The following HSPH1 variants were observed in gnomAD, a reference collection of about 807,000 sequenced individuals.
The protein encoded by HSPH1 is heat shock protein 105 kDa.
A neutral mutation model predicts 100.0 loss-of-function variants in HSPH1; 40 were observed. The ratio of observed to expected loss-of-function variants is 0.40; its 90% CI spans 0.31 to 0.52. The LOEUF is 0.52. Among genes scored for constraint, HSPH1 ranks in the 20% least tolerant of loss-of-function variants. The pLI is 0.54. For synonymous variants in HSPH1, 403 were observed against 344.0 expected, an observed-to-expected ratio of 1.17 and a Z score of -1.90; for missense variants, 876 against 1,015.1, an observed-to-expected ratio of 0.86 and a Z score of 1.86.
At chr13:31,141,394 C>A in intron 12 of HSPH1, 135 bp from the exon 13 acceptor site, 1 of 678,454 alleles carries the variant, frequency 1.5e-6, no homozygotes, top group Non-Finnish European at 2.4e-6. Flanking sequence ...GAAGGATCTA[C>A]AGGATCACCT....
chr13:31,151,326 T>TCA, intron 6 of HSPH1, 135 bp from the exon 7 acceptor site: 1 of 803,180 alleles, frequency 1.2e-6, no homozygotes, highest in Non-Finnish European at 1.9e-6. Context: ...GAAATCCAAA[T>TCA]CAGTCAGGAA....
chr13:31,137,551 G>A (rs1373635572), intron 17 of HSPH1, 27 bp from the exon 18 acceptor site: 2 of 1,537,272 alleles, frequency 1.3e-6, no homozygotes, highest in Non-Finnish European at 1.8e-6. Flanking sequence ...CTAGTTATCA[G>A]ATTAACTCAG....
chr13:31,137,168 C>A lies in HSPH1; in HGVS notation c.*150G>T, dbSNP rs1011468658. ...CTTTTAGGATCATAAAGACTACAGACTTAAGCTTTTTTTCTTTTTCCATAT... is the reference window on the plus strand; with the variant it reads ...CTTTTAGGATCATAAAGACTACAGAATTAAGCTTTTTTTCTTTTTCCATAT... On this transcript the variant is annotated 3_prime_UTR_variant, in exon 18 of 18. Coordinates refer to ENST00000320027, the MANE Select transcript of HSPH1 (RefSeq NM_006644.4). 7 of 728,216 alleles carry A rather than the reference C, an allele frequency of 9.6e-6. No homozygotes were observed. The African/African-American group carries it at 1.2e-4, about 13-fold the overall frequency. The allele number at this position is 728,216 out of a possible 1,614,324, so 45.1% of individuals were successfully genotyped here. A position where few individuals can be genotyped will look rare whatever the true frequency, so the allele number is the denominator to read the frequency against.
chr13:31,161,955 T>C (rs1261162758), upstream of HSPH1: 53 of 1,535,902 alleles, frequency 3.5e-5, no homozygotes, highest in Non-Finnish European at 4.5e-5. Flanking sequence ...TGATCAGAAC[T>C]TTCCAGAATC....
chr13:31,153,648 T>C (rs1956567176), intron 4 of HSPH1, among the ~76,000 whole-genome samples: 1 of 152,152 alleles, frequency 6.6e-6, no homozygotes, highest in Non-Finnish European at 1.5e-5. Flanking sequence ...AACACATTCG[T>C]AGAATCATTT....
chr13:31,141,070 G>A (rs1565996477), intron 13 of HSPH1, 52 bp downstream of exon 13: 2 of 1,175,266 alleles, frequency 1.7e-6, no homozygotes, highest in East Asian at 5.1e-5. Flanking sequence ...AGATATCAGG[G>A]CCAAGAAACT....
chr13:31,142,668 G>C (rs987403489), intron 12 of HSPH1, among the ~76,000 whole-genome samples: 3 of 152,062 alleles, frequency 2.0e-5, no homozygotes, highest in Admixed American at 2.0e-4. Context: ...GAATGGATGA[G>C]GAACCGTCTC....
At chr13:31,138,630 C>T in intron 16 of HSPH1, 62 bp from the exon 17 acceptor site, 1 of 1,536,032 alleles carries the variant, frequency 6.5e-7, no homozygotes, top group South Asian at 1.2e-5. Flanking sequence ...TCATTTGACT[C>T]AACTTTCCAG....
At chr13:31,148,327 T>C (rs1956345191) in intron 9 of HSPH1, 47 bp downstream of exon 9, 1 of 1,223,806 alleles carries the variant, frequency 8.2e-7, no homozygotes, top group Admixed American at 2.0e-5. Flanking sequence ...TTTGTTAATT[T>C]TTCTTCTTTA....
chr13:31,162,359 TG>T, upstream of HSPH1: 1 of 550,046 alleles, frequency 1.8e-6, no homozygotes. Flanking sequence ...GAGAGCATGT[TG>T]GGAATCGTAG....
Position 31,150,062 on chromosome 13 carries a change from G to T in HSPH1, c.1029C>A (p.Gly343=). 1 of 1,613,696 alleles carries T rather than the reference G, an allele frequency of 6.2e-7. No homozygotes were observed. Among genetic ancestry groups the T allele is most frequent in the Non-Finnish European group, 8.5e-7 (1 of 1,179,744 alleles). ...EDVSAVEIVG[G]ATRIPAVKER... ...CCTTCACAGCTGGAATTCGTGTAGC[G>T]CCTCCAACAATCTCAACTGCACTCA... is the stretch of plus-strand genomic sequence containing the variant. The change falls in exon 8 of 18, where the codon GGC becomes GGA. Residue 343 remains glycine (G), a synonymous_variant. Transcript: ENST00000320027.
chr13:31,159,421 C>G (rs1956816226), intron 1 of HSPH1, among the ~76,000 whole-genome samples: 1 of 152,138 alleles, frequency 6.6e-6, no homozygotes, highest in Non-Finnish European at 1.5e-5. Context: ...AAATGATGCA[C>G]AACAAGTACC....
intron 10 of HSPH1, among the ~76,000 whole-genome samples, chr13:31,147,062 T>A (rs1956288397): frequency 6.6e-6 from 1 of 152,140 alleles, no homozygotes; most frequent in African/African-American, 2.4e-5. Flanking sequence ...CTCTGGAAAG[T>A]GGGATGTAAG....
At chr13:31,155,491 C>G (rs1239477732) in intron 3 of HSPH1, 23 bp downstream of exon 3, 1 of 1,575,236 alleles carries the variant, frequency 6.3e-7, no homozygotes, top group Non-Finnish European at 8.6e-7. Flanking sequence ...TGGTATTTTT[C>G]TAAGGTTGCT....
rs554852279 is a variant in HSPH1 at position 31,150,322 on chromosome 13, T to C, written c.909-140A>G. The C allele has an allele frequency of 1.0e-4, 63 of 600,184 alleles. 1 individual carries two copies. Among genetic ancestry groups the C allele is most frequent in the South Asian group, 1.0e-3 (47 of 46,354 alleles). 37.2% of individuals were successfully genotyped at this position (600,184 alleles called of 1,614,324 possible). On this transcript the variant is annotated intron_variant, in intron 7 of 17. Coordinates refer to ENST00000320027, the MANE Select transcript of HSPH1 (RefSeq NM_006644.4). ...CCAAGTTTAGCTGTATTGTAGTTTA[T>C]AGCTCTTTTGTTTTTGATAAATACA...
Position 31,141,172 on chromosome 13 carries a change from A to C in HSPH1, c.1804T>G (p.Leu602Val). The C allele has an allele frequency of 3.1e-6, 5 of 1,609,154 alleles. No individual in the cohort carries two copies. Among genetic ancestry groups the C allele is most frequent in the Non-Finnish European group, 4.2e-6 (5 of 1,176,850 alleles). The stretch of plus-strand genomic sequence containing the variant: ...AGGTCTTTCCCTAACTGCCAGACCA[A>C]GTTGGCTTCAATAGGCAGCTCAACA... ...VNVELPIEAN[L>V]VWQLGKDLLN... Residue 602 changes from leucine to valine, a missense_variant, in exon 13 of 18, where the codon TTG (leucine) becomes GTG (valine). Physicochemically the swap from Leu to Val is conservative, Grantham distance 32. Coordinates refer to ENST00000320027, the MANE Select transcript of HSPH1 (RefSeq NM_006644.4).
At chr13:31,154,311 T>TATCATTA in intron 4 of HSPH1, 1 of 356,342 alleles carries the variant, frequency 2.8e-6, no homozygotes, top group Admixed American at 4.3e-5. Context: ...CTTTCACCTG[T>TATCATTA]GAAAAGCTCC....
At chr13:31,155,244 G>A (rs894139291) in intron 3 of HSPH1, among the ~76,000 whole-genome samples, 4 of 152,096 alleles carry the variant, frequency 2.6e-5, no homozygotes, top group Non-Finnish European at 4.4e-5. Context: ...ACACAATGTC[G>A]ATTTTTTTTC....
chr13:31,155,752 A>C (rs3818350), intron 2 of HSPH1, 98 bp from the exon 3 acceptor site: 261,199 of 990,762 alleles, frequency 0.26, 36,896 homozygotes, highest in East Asian at 0.47. Flanking sequence ...ACTCAAACCA[A>C]TCCTATGAGT....
Sources: gnomAD v4.1 joint callset for allele counts (sites outside exome capture counted in the v4.1 genomes callset) on GRCh38, gnomAD v4.1.1 for gene constraint, MANE v1.5 for transcripts, NCBI Gene and HGNC (gene_info 2026-07-23, HGNC 2026-07-21) for gene names.